Variants in PMM1 observed in about 807,000 individuals in gnomAD.
PMM1 encodes the protein brain glucose-1,6-bisphosphatase.
Under a neutral mutation model 34.0 loss-of-function variants are expected in PMM1, and 25 were observed. The ratio of observed to expected loss-of-function variants is 0.73; its 90% CI spans 0.54 to 1.03. PMM1 has a LOEUF of 1.03. PMM1 is among the 50% of genes least tolerant of loss of function. The probability of loss-of-function intolerance (pLI) is 0.00; values close to 1 mark genes in which losing one functional copy is unlikely to be tolerated. For synonymous variants in PMM1, 134 were observed against 143.9 expected (o/e 0.93, Z 0.49); for missense variants, 321 against 350.1 (o/e 0.92, Z 0.66).
chr22:41,579,823 T>G (rs1232442353), intron 5 of PMM1: 3 of 152,402 alleles, frequency 2.0e-5, no homozygotes, highest in Admixed American at 2.0e-4. Flanking sequence ...CAGGCTTGGC[T>G]ACTGTACTCC....
At chr22:41,578,243 G>A (rs368867416) in intron 6 of PMM1, among the ~76,000 whole-genome samples, 51 of 152,296 alleles carry the variant, frequency 3.3e-4, no homozygotes, top group African/African-American at 1.1e-3. Context: ...GGAAGAGAAC[G>A]AGCGTCCCAG....
chr22:41,580,641 G>C (rs774401479), intron 5 of PMM1: 18 of 152,194 alleles, frequency 1.2e-4, no homozygotes, highest in Admixed American at 5.9e-4. Flanking sequence ...CACGTGTATT[G>C]GGGGGGAAGG....
At chr22:41,577,605 GC>G in intron 7 of PMM1, 165 bp from the exon 8 acceptor site, 1 of 907,464 alleles carries the variant, frequency 1.1e-6, no homozygotes, top group Non-Finnish European at 1.7e-6. Context: ...TAGAACAAGT[GC>G]CCAGCCTCTT....
chr22:41,583,831 G>C, intron 5 of PMM1, 128 bp downstream of exon 5: 1 of 681,952 alleles, frequency 1.5e-6, no homozygotes, highest in Non-Finnish European at 2.7e-6. Flanking sequence ...GCACACAGTA[G>C]GTGCCTGAAA....
intron 1 of PMM1, chr22:41,588,709 C>G: frequency 1.0e-6 from 1 of 985,470 alleles, no homozygotes; most frequent in Non-Finnish European, 1.2e-6. Context: ...TGCAGGAAGG[C>G]CTCCAGGGCC....
At chr22:41,589,249 G>C in intron 1 of PMM1, 1 of 549,904 alleles carries the variant, frequency 1.8e-6, no homozygotes. Context: ...GGAAGACTCC[G>C]AGACGCCCTG....
At chr22:41,589,616 G>T in intron 1 of PMM1, 103 bp downstream of exon 1, 1 of 1,006,476 alleles carries the variant, frequency 9.9e-7, no homozygotes, top group Non-Finnish European at 1.5e-6. Context: ...TCCCACACTC[G>T]GTCCCCGGGT....
chr22:41,588,785 G>A lies in PMM1; in HGVS notation c.87+934C>T, dbSNP rs192395727. On this transcript the variant is annotated intron_variant, in intron 1 of 7. Coordinates refer to ENST00000216259, the MANE Select transcript of PMM1 (RefSeq NM_002676.3). ...TTCGGGACCTAAGAGAGGAGGCTAAGACCTGGGTTCCCATCAGCCACTGCC... is the reference window on the plus strand; with the variant it reads ...TTCGGGACCTAAGAGAGGAGGCTAAAACCTGGGTTCCCATCAGCCACTGCC... 2.2e-5 allele frequency: 22 copies of A among 983,702 alleles called. No individual in the cohort carries two copies. In the African/African-American group the frequency reaches 3.0e-4, roughly 14 times the overall value. 60.9% of individuals were successfully genotyped at this position (983,702 alleles called of 1,614,324 possible).
At chr22:41,578,246 C>T (rs1211767980) in intron 6 of PMM1, among the ~76,000 whole-genome samples, 3 of 152,100 alleles carry the variant, frequency 2.0e-5, no homozygotes, top group Non-Finnish European at 4.4e-5. Flanking sequence ...AGAGAACGAG[C>T]GTCCCAGCAA....
intron 1 of PMM1, among the ~76,000 whole-genome samples, chr22:41,586,846 G>A (rs1047521943): frequency 3.4e-5 from 5 of 148,946 alleles, no homozygotes; most frequent in South Asian, 2.2e-4. Flanking sequence ...GGGCTGGCAC[G>A]GTGGTTCACA....
Position 41,577,204 on chromosome 22 carries a change from G to T in PMM1, c.*114C>A. On this transcript the variant is annotated 3_prime_UTR_variant, in exon 8 of 8. Coordinates refer to ENST00000216259, the MANE Select transcript of PMM1 (RefSeq NM_002676.3). The stretch of plus-strand genomic sequence containing the variant: ...ACTCTGGCCCCATCTGGGTGGGCTT[G>T]CAGCAGGCGTCCTGGGCCAGAGGAG... The T allele has an allele frequency of 7.0e-7, 1 of 1,432,348 alleles. No individual in the cohort carries two copies. Among genetic ancestry groups the T allele is most frequent in the Non-Finnish European group, 9.7e-7 (1 of 1,030,424 alleles). The allele number at this position is 1,432,348 out of a possible 1,614,324, so 88.7% of individuals were successfully genotyped here.
intron 1 of PMM1, among the ~76,000 whole-genome samples, chr22:41,587,483 A>C (rs2067325175): frequency 6.7e-6 from 1 of 149,872 alleles, no homozygotes; most frequent in African/African-American, 2.5e-5. Context: ...GCATGGTGGC[A>C]CTTGCCTGTA....
intron 5 of PMM1, among the ~76,000 whole-genome samples, chr22:41,581,770 C>T (rs1350884126): frequency 2.0e-5 from 3 of 152,048 alleles, no homozygotes; most frequent in African/African-American, 4.8e-5. Context: ...AGGCGGATCA[C>T]GAGGTCAGAA....
intron 1 of PMM1, among the ~76,000 whole-genome samples, chr22:41,586,649 C>G (rs748068224): frequency 6.6e-6 from 1 of 151,842 alleles, no homozygotes; most frequent in Non-Finnish European, 1.5e-5. Flanking sequence ...GCTGGGATTA[C>G]AGGCGCCTGC....
At chr22:41,588,393 G>A (rs932930310) in intron 1 of PMM1, among the ~76,000 whole-genome samples, 21 of 152,188 alleles carry the variant, frequency 1.4e-4, no homozygotes, top group African/African-American at 5.1e-4. Context: ...CTAATTTTTT[G>A]TATTTTTAGT....
At chr22:41,589,387 G>A (rs1180227051) in intron 1 of PMM1, 5 of 475,390 alleles carry the variant, frequency 1.1e-5, no homozygotes, top group Non-Finnish European at 1.9e-5. Context: ...CTCAGGAGGC[G>A]GGGGCGTCCG....
At chr22:41,586,295 A>C in intron 1 of PMM1, 102 bp from the exon 2 acceptor site, 1 of 1,570,362 alleles carries the variant, frequency 6.4e-7, no homozygotes, top group Non-Finnish European at 8.5e-7. Flanking sequence ...CCCACATTCT[A>C]CCTGGATCTG....
At chr22:41,585,903 C>A in intron 2 of PMM1, among the ~76,000 whole-genome samples, 173 bp downstream of exon 2, 1 of 152,186 alleles carries the variant, frequency 6.6e-6, no homozygotes, top group African/African-American at 2.4e-5. Context: ...TCTCAAGGGC[C>A]TGGCACAATC....
At chr22:41,585,961 T>C in intron 2 of PMM1, 115 bp downstream of exon 2, 1 of 776,944 alleles carries the variant, frequency 1.3e-6, no homozygotes, top group Non-Finnish European at 2.1e-6. Context: ...GTAAGGGAAC[T>C]ATCTGGCTGC....
Sources: allele counts gnomAD v4.1 joint callset (sites outside exome capture counted in the v4.1 genomes callset), GRCh38; gene constraint gnomAD v4.1.1; transcripts MANE v1.5; gene names NCBI Gene and HGNC (gene_info 2026-07-23, HGNC 2026-07-21).